The following KCND3 variants were observed in gnomAD, a reference collection of about 807,000 sequenced individuals.
KCND3 encodes the protein potassium voltage-gated channel subfamily D member 3.
In KCND3, 9 loss-of-function variants were observed where a neutral mutation model predicts 51.1. The observed-to-expected ratio is 0.18, with a 90% CI of 0.11 to 0.31. KCND3 has a LOEUF of 0.31. Among genes scored for constraint, KCND3 ranks in the 10% least tolerant of loss-of-function variants. The pLI, the probability that KCND3 is intolerant of heterozygous loss-of-function variation, is 1.00. For synonymous variants in KCND3, 349 were observed against 368.0 expected (o/e 0.95, Z 0.59); for missense variants, 526 against 903.8 (o/e 0.58, Z 5.36).
chr1:111,880,448 G>A (rs1669249257), intron 2 of KCND3, among the ~76,000 whole-genome samples: 1 of 152,202 alleles, frequency 6.6e-6, no homozygotes, highest in Non-Finnish European at 1.5e-5. Flanking sequence ...TGTGAGGTGA[G>A]ACCCCTGTGG....
chr1:111,813,598 G>A (rs148224906), intron 2 of KCND3, among the ~76,000 whole-genome samples: 43 of 152,372 alleles, frequency 2.8e-4, no homozygotes, highest in Middle Eastern at 3.4e-3. Flanking sequence ...CCTAGCCACA[G>A]CCGGGCCAAG....
At chr1:111,977,878 A>G (rs1353417433) in intron 2 of KCND3, among the ~76,000 whole-genome samples, 1 of 152,244 alleles carries the variant, frequency 6.6e-6, no homozygotes, top group Non-Finnish European at 1.5e-5. Context: ...GTTCTATGTT[A>G]TCCCTTCCCT....
chr1:111,913,638 G>A (rs1473924028), intron 2 of KCND3, among the ~76,000 whole-genome samples: 4 of 152,216 alleles, frequency 2.6e-5, no homozygotes, highest in African/African-American at 9.6e-5. Flanking sequence ...AGGGCTGTGT[G>A]TATTGACTCA....
At chr1:111,910,601 G>A (rs762467300) in intron 2 of KCND3, among the ~76,000 whole-genome samples, 21 of 152,136 alleles carry the variant, frequency 1.4e-4, no homozygotes, top group African/African-American at 3.6e-4. Context: ...AAATCTTCCC[G>A]AGAAGCAACA....
chr1:111,970,092 C>G (rs1428689159), intron 2 of KCND3, among the ~76,000 whole-genome samples: 2 of 152,092 alleles, frequency 1.3e-5, no homozygotes, highest in Non-Finnish European at 2.9e-5. Context: ...TCTCAGCTCT[C>G]TGCAACCTCT....
In KCND3 at chr1:111,870,625, A is replaced by T. The variant is rs1421369198; in HGVS notation, c.1107-83519T>A. On this transcript the variant is annotated intron_variant, in intron 2 of 7. Transcript: ENST00000302127. ...CTTTGATCTGTGCAGAGGGAGCATC[A>T]AGTCCAAGATCTGGAGTAGCAGCCA... Among the ~76,000 whole-genome samples, 4 of 152,206 alleles carry T rather than the reference A, an allele frequency of 2.6e-5. No homozygotes were observed. The South Asian group carries it at 6.2e-4, about 24-fold the overall frequency.
chr1:111,829,800 T>C (rs1666750994), intron 2 of KCND3, among the ~76,000 whole-genome samples: 1 of 152,170 alleles, frequency 6.6e-6, no homozygotes, highest in Non-Finnish European at 1.5e-5. Context: ...GCTAACAAAA[T>C]GGATTATCCC....
At chr1:111,860,385 T>G (rs978708917) in intron 2 of KCND3, among the ~76,000 whole-genome samples, 4 of 152,178 alleles carry the variant, frequency 2.6e-5, no homozygotes, top group African/African-American at 9.7e-5. Context: ...CTTAGGTGCT[T>G]GATTGATACT....
intron 2 of KCND3, among the ~76,000 whole-genome samples, chr1:111,814,867 C>A (rs1251396137): frequency 6.6e-6 from 1 of 152,234 alleles, no homozygotes; most frequent in Non-Finnish European, 1.5e-5. Flanking sequence ...TCTATTTTAT[C>A]CACCAGAGTC....
chr1:111,831,152 G>C (rs1417752211), intron 2 of KCND3, among the ~76,000 whole-genome samples: 2 of 151,782 alleles, frequency 1.3e-5, no homozygotes, highest in Non-Finnish European at 2.9e-5. Context: ...AGAGAAAATT[G>C]ATGAAGGTAA....
chr1:111,868,544 C>T (rs1668686545), intron 2 of KCND3, among the ~76,000 whole-genome samples: 1 of 152,058 alleles, frequency 6.6e-6, no homozygotes, highest in African/African-American at 2.4e-5. Flanking sequence ...GAATGTATCC[C>T]CCATGGGCAT....
At chr1:111,832,694 C>T (rs1666892311) in intron 2 of KCND3, among the ~76,000 whole-genome samples, 1 of 152,152 alleles carries the variant, frequency 6.6e-6, no homozygotes, top group East Asian at 1.9e-4. Context: ...CTCCCCACCC[C>T]GCCCAGAATG....
chr1:111,902,626 G>A (rs772547267), intron 2 of KCND3, among the ~76,000 whole-genome samples: 2 of 152,208 alleles, frequency 1.3e-5, no homozygotes, highest in Non-Finnish European at 2.9e-5. Context: ...CAGGTCTGGG[G>A]CCAGGAGATC....
intron 2 of KCND3, among the ~76,000 whole-genome samples, chr1:111,964,241 C>A (rs1292346484): frequency 6.6e-6 from 1 of 152,098 alleles, no homozygotes. Context: ...CTGCTCTGGT[C>A]AAAGCAGATT....
chr1:111,956,808 G>A (rs545293703), intron 2 of KCND3, among the ~76,000 whole-genome samples: 1 of 152,124 alleles, frequency 6.6e-6, no homozygotes, highest in Non-Finnish European at 1.5e-5. Context: ...CTGCAAATGA[G>A]GACAGTAGCC....
chr1:111,803,895 A>G (rs1197368514), intron 2 of KCND3, among the ~76,000 whole-genome samples: 1 of 152,196 alleles, frequency 6.6e-6, no homozygotes, highest in Non-Finnish European at 1.5e-5. Context: ...CGCATGTGAC[A>G]AACAGTCCTG....
chr1:111,829,294 G>A (rs1666723008), intron 2 of KCND3, among the ~76,000 whole-genome samples: 1 of 152,154 alleles, frequency 6.6e-6, no homozygotes, highest in African/African-American at 2.4e-5. Flanking sequence ...GGATGTTTCT[G>A]ATGAGAGTGG....
chr1:111,866,579 A>AACACACACACACAC (rs771342858), intron 2 of KCND3, among the ~76,000 whole-genome samples: 5,659 of 126,740 alleles, frequency 0.045, 230 homozygotes, highest in African/African-American at 0.063. Context: ...TGTTTCTTTA[A>AACACACACACACAC]ACACACACAC....
intron 2 of KCND3, among the ~76,000 whole-genome samples, chr1:111,879,624 CA>C (rs1037434032): frequency 3.8e-4 from 58 of 152,292 alleles, no homozygotes; most frequent in African/African-American, 1.4e-3. Flanking sequence ...TGGCTGAATT[CA>C]AGGGGGCTGT....
Sources: allele counts gnomAD v4.1 joint callset (sites outside exome capture counted in the v4.1 genomes callset), GRCh38; gene constraint gnomAD v4.1.1; transcripts MANE v1.5; gene names NCBI Gene and HGNC (gene_info 2026-07-23, HGNC 2026-07-21).